The following BMP7 variants were observed in gnomAD, a reference collection of about 807,000 sequenced individuals.
The protein encoded by BMP7 is bone morphogenetic protein 7, also known as osteogenic protein 1.
Under a neutral mutation model 41.2 loss-of-function variants are expected in BMP7, and 12 were observed. The observed-to-expected ratio is 0.29, with a 90% CI of 0.19 to 0.47. BMP7 has a LOEUF of 0.47. Among genes scored for constraint, BMP7 ranks in the 20% least tolerant of loss-of-function variants. BMP7 has a pLI of 0.99. For synonymous variants in BMP7, 248 were observed against 250.0 expected (o/e 0.99, Z 0.07); for missense variants, 467 against 606.0 (o/e 0.77, Z 2.41).
At position 57,183,506 on chromosome 20, in the gene BMP7, C is replaced by T. The variant is rs76737492; in HGVS notation, c.958+216G>A. On this transcript the variant is annotated intron_variant, in intron 4 of 6. Coordinates refer to ENST00000395863, the MANE Select transcript of BMP7 (RefSeq NM_001719.3). ...TCTACATGCTTGGTGTTGTGTTATA[C>T]GAATGTTTTGCTACTTGCATTTCTA... Among the ~76,000 whole-genome samples the T allele has an allele frequency of 0.062, 9,424 of 152,162 alleles. 465 individuals are homozygous for T. The highest frequency in any genetic ancestry group is 0.13 in the African/African-American group (5,408 of 41,482).
At chr20:57,218,592 G>GTTCA (rs1359172205) in intron 2 of BMP7, among the ~76,000 whole-genome samples, 2 of 151,964 alleles carry the variant, frequency 1.3e-5, no homozygotes, top group Middle Eastern at 3.4e-3. Context: ...GCTGGTGTTT[G>GTTCA]GTGGTAGCTG....
At position 57,210,581 on chromosome 20, in the gene BMP7, A is replaced by G. The variant is rs578239181; in HGVS notation, c.612-7958T>C. 2.8e-3 allele frequency among the ~76,000 whole-genome samples: 424 copies of G among 152,278 alleles called. 3 individuals are homozygous for G. The highest frequency in any genetic ancestry group is 9.8e-3 in the African/African-American group (409 of 41,554). ...CCTCAGCGCAAACACAGATCCAGGG[A>G]AGATGGCCCTGAAACTGCCCCAGGG... On this transcript the variant is annotated intron_variant, in intron 2 of 6. Transcript: ENST00000395863.
rs1381675538 is a variant in BMP7, at chr20:57,168,830, G to C, written c.*2129C>G. 6.6e-6 allele frequency: 1 copy of C among 151,988 alleles called. No homozygotes were observed. Among genetic ancestry groups the C allele is most frequent in the Non-Finnish European group, 1.5e-5 (1 of 68,018 alleles). The allele number at this position is 151,988 out of a possible 1,614,324, so 9.4% of individuals were successfully genotyped here. On this transcript the variant is annotated 3_prime_UTR_variant, in exon 7 of 7. Coordinates refer to ENST00000395863, the MANE Select transcript of BMP7 (RefSeq NM_001719.3). The stretch of plus-strand genomic sequence containing the variant: ...CTATTTATACAGAATTTTCACTAAG[G>C]ACTGCTCGACGCAACAGCTGTGAGT...
chr20:57,192,636 C>G (rs1984397582), intron 3 of BMP7, among the ~76,000 whole-genome samples: 2 of 151,564 alleles, frequency 1.3e-5, no homozygotes, highest in African/African-American at 2.4e-5. Context: ...GAAGGCAGGA[C>G]CTGCATCATA....
At chr20:57,192,419 A>G (rs1009819504) in intron 3 of BMP7, among the ~76,000 whole-genome samples, 4 of 150,298 alleles carry the variant, frequency 2.7e-5, no homozygotes, top group African/African-American at 9.8e-5. Context: ...TTGTTCTAAT[A>G]CCCCAGGAAG....
intron 3 of BMP7, among the ~76,000 whole-genome samples, chr20:57,197,193 C>T (rs561963487): frequency 6.6e-6 from 1 of 151,948 alleles, no homozygotes; most frequent in African/African-American, 2.4e-5. Context: ...AGCCACCGCA[C>T]CCGGCCCTAA....
chr20:57,262,148 A>G (rs2066156544), intron 1 of BMP7, among the ~76,000 whole-genome samples: 1 of 152,240 alleles, frequency 6.6e-6, no homozygotes, highest in African/African-American at 2.4e-5. Flanking sequence ...GATTCCTAAC[A>G]GAGCTGCTGG....
rs1455501136 is a variant in BMP7, at chr20:57,266,257, G to A, written c.-135C>T. ...GCCCCGCTGCGCCCGCGCCAGACATGGCCCCTCCCCGGCCGGCCGCGCTCT... is the reference window on the plus strand; with the variant it reads ...GCCCCGCTGCGCCCGCGCCAGACATAGCCCCTCCCCGGCCGGCCGCGCTCT... On this transcript the variant is annotated 5_prime_UTR_variant, in exon 1 of 7. Transcript: ENST00000395863. 1.1e-6 allele frequency: 1 copy of A among 911,404 alleles called. No individual in the cohort carries two copies. The highest frequency in any genetic ancestry group is 1.5e-6 in the Non-Finnish European group (1 of 684,744). The allele number at this position is 911,404 out of a possible 1,614,324, so 56.5% of individuals were successfully genotyped here.
chr20:57,209,268 TA>T (rs1568715510), intron 2 of BMP7, among the ~76,000 whole-genome samples: 2 of 129,908 alleles, frequency 1.5e-5, no homozygotes, highest in Non-Finnish European at 3.1e-5. Context: ...TATATATATA[TA>T]TATATATATA....
At chr20:57,183,263 A>G (rs561550156) in intron 4 of BMP7, among the ~76,000 whole-genome samples, 3 of 152,164 alleles carry the variant, frequency 2.0e-5, no homozygotes, top group Non-Finnish European at 1.5e-5. Flanking sequence ...GTGTGTGTAT[A>G]TATATATAAT....
chr20:57,229,683 T>C (rs1191467369), intron 1 of BMP7, among the ~76,000 whole-genome samples: 3 of 152,094 alleles, frequency 2.0e-5, no homozygotes, highest in Non-Finnish European at 1.5e-5. Context: ...GGTGGGGAAC[T>C]GGAGAGAGAG....
At chr20:57,263,127 G>A (rs933785956) in intron 1 of BMP7, among the ~76,000 whole-genome samples, 4 of 152,194 alleles carry the variant, frequency 2.6e-5, no homozygotes, top group Non-Finnish European at 5.9e-5. Context: ...TAATGACCTC[G>A]AGTTTAGGGA....
chr20:57,199,862 G>A (rs910208201), intron 3 of BMP7, among the ~76,000 whole-genome samples: 2 of 152,340 alleles, frequency 1.3e-5, no homozygotes, highest in Admixed American at 1.3e-4. Flanking sequence ...CCAAGTCACT[G>A]GGCGGTGGCA....
chr20:57,235,433 C>T (rs974913202), intron 1 of BMP7, among the ~76,000 whole-genome samples: 1 of 152,192 alleles, frequency 6.6e-6, no homozygotes, highest in African/African-American at 2.4e-5. Context: ...CCACATCTGA[C>T]TGTTTCCATG....
chr20:57,238,362 G>C (rs1019986516), intron 1 of BMP7, among the ~76,000 whole-genome samples: 2 of 152,200 alleles, frequency 1.3e-5, no homozygotes, highest in Non-Finnish European at 1.5e-5. Context: ...ATCCCTGAAT[G>C]GTATGCAGCT....
chr20:57,261,561 G>T lies in BMP7; in HGVS notation c.418+4144C>A, dbSNP rs1050675550. ...ATAAGCAGGAAAATGAGGTTTAAAA[G>T]AAGTGATTTTGAAAGGGTTACGAAA... On this transcript the variant is annotated intron_variant, in intron 1 of 6. Coordinates refer to ENST00000395863, the MANE Select transcript of BMP7 (RefSeq NM_001719.3). This position sits in a 1 kb window ranked among gnomAD's most constrained non-coding sequence, Gnocchi z 4.1. Among the ~76,000 whole-genome samples, 2 of 152,224 alleles carry T rather than the reference G, an allele frequency of 1.3e-5. No individual in the cohort carries two copies. Among genetic ancestry groups the T allele is most frequent in the African/African-American group, 4.8e-5 (2 of 41,450 alleles).
intron 5 of BMP7, among the ~76,000 whole-genome samples, chr20:57,173,906 G>C (rs1983866101): frequency 6.6e-6 from 1 of 152,178 alleles, no homozygotes; most frequent in Non-Finnish European, 1.5e-5. Flanking sequence ...TGGTCAGTAA[G>C]GGATCCATGT....
intron 2 of BMP7, among the ~76,000 whole-genome samples, chr20:57,208,317 A>G (rs1336688474): frequency 6.6e-6 from 1 of 152,248 alleles, no homozygotes; most frequent in Non-Finnish European, 1.5e-5. Flanking sequence ...ACAAATGGCC[A>G]GTGAGCCATG....
intron 3 of BMP7, among the ~76,000 whole-genome samples, chr20:57,186,600 G>A (rs1420121368): frequency 6.6e-6 from 1 of 152,206 alleles, no homozygotes; most frequent in African/African-American, 2.4e-5. Flanking sequence ...TCTGAACCCA[G>A]GTGAGGATGA....
Sources: gnomAD v4.1 joint callset for allele counts (sites outside exome capture counted in the v4.1 genomes callset) on GRCh38, gnomAD v4.1.1 for gene constraint, Gnocchi (gnomAD v3.1) non-coding constraint, MANE v1.5 for transcripts, NCBI Gene and HGNC (gene_info 2026-07-23, HGNC 2026-07-21) for gene names.